The following BRAF variants were observed in gnomAD, a reference collection of about 807,000 sequenced individuals.
BRAF encodes serine/threonine-protein kinase B-raf.
Under a neutral mutation model 104.6 loss-of-function variants are expected in BRAF, and 16 were observed. The ratio of observed to expected loss-of-function variants is 0.15; its 90% CI spans 0.10 to 0.23. BRAF has a LOEUF of 0.23. Among genes scored for constraint, BRAF ranks in the 10% least tolerant of loss-of-function variants. The pLI is 1.00. For synonymous variants in BRAF, 310 were observed against 341.6 expected (o/e 0.91, Z 1.02); for missense variants, 541 against 937.3 (o/e 0.58, Z 5.52).
At chr7:140,916,996 T>C (rs913147626) in intron 1 of BRAF, among the ~76,000 whole-genome samples, 7 of 152,120 alleles carry the variant, frequency 4.6e-5, no homozygotes, top group African/African-American at 7.2e-5. Context: ...ACATAAGCAA[T>C]TGATTTCAAT....
intron 3 of BRAF, among the ~76,000 whole-genome samples, chr7:140,811,949 C>G (rs1370023382): frequency 6.6e-6 from 1 of 152,144 alleles, no homozygotes; most frequent in Non-Finnish European, 1.5e-5. Context: ...TCACTTTTCC[C>G]TGTGCCATTC....
At chr7:140,803,283 A>G (rs1163896592) in intron 5 of BRAF, among the ~76,000 whole-genome samples, 2 of 152,208 alleles carry the variant, frequency 1.3e-5, no homozygotes, top group East Asian at 3.8e-4. Flanking sequence ...TAAAACAGAA[A>G]CCATTAAAAA....
At position 140,750,194 on chromosome 7, in the gene BRAF, G is replaced by A. The variant is rs564272243; in HGVS notation, c.1981-776C>T. ...GTTATTCTTTCACCTTGCGTCTTCT[G>A]TATTGTTTCATTTGGAAGGAATCGA... On this transcript the variant is annotated intron_variant, in intron 16 of 19. Transcript: ENST00000644969. Among the ~76,000 whole-genome samples the A allele has an allele frequency of 3.9e-5, 6 of 152,234 alleles. No individual in the cohort carries two copies. The East Asian group carries it at 1.2e-3, about 29-fold the overall frequency.
intron 2 of BRAF, among the ~76,000 whole-genome samples, chr7:140,840,063 G>A (rs768639337): frequency 2.0e-5 from 3 of 152,182 alleles, no homozygotes; most frequent in Admixed American, 6.5e-5. Flanking sequence ...CCCACTTTCT[G>A]CTCCAACAGG....
Position 140,775,545 on chromosome 7 carries a change from G to T in BRAF, c.1814+1367C>A, listed in dbSNP as rs1800257977. Among the ~76,000 whole-genome samples, 5 of 151,774 alleles carry T rather than the reference G, an allele frequency of 3.3e-5. No individual in the cohort carries two copies. The South Asian group carries it at 1.0e-3, about 32-fold the overall frequency. ...GTAGAGACGGGGTTTCTCCATGTTG[G>T]TCAGGCTAGTCTTGAACTCCCGACC... On this transcript the variant is annotated intron_variant, in intron 14 of 19. Transcript: ENST00000644969.
At chr7:140,917,591 C>CCT (rs1198917655) in intron 1 of BRAF, among the ~76,000 whole-genome samples, 1 of 152,122 alleles carries the variant, frequency 6.6e-6, no homozygotes, top group Non-Finnish European at 1.5e-5. Flanking sequence ...TGAAACTCCA[C>CCT]CTCTCTCTCC....
At chr7:140,812,486 G>C (rs1804389089) in intron 3 of BRAF, among the ~76,000 whole-genome samples, 1 of 152,136 alleles carries the variant, frequency 6.6e-6, no homozygotes, top group Non-Finnish European at 1.5e-5. Context: ...AGGCACTCCA[G>C]TAATGCACTT....
At chr7:140,733,639 A>G (rs770827706) in intron 19 of BRAF, 2 of 152,262 alleles carry the variant, frequency 1.3e-5, no homozygotes, top group Non-Finnish European at 2.9e-5. Flanking sequence ...AGGACAGAAC[A>G]TGAGACACAA....
At chr7:140,750,118 C>T (rs1018857940) in intron 16 of BRAF, among the ~76,000 whole-genome samples, 8 of 152,148 alleles carry the variant, frequency 5.3e-5, no homozygotes, top group Non-Finnish European at 1.5e-5. Flanking sequence ...AATTAGGTTT[C>T]TTATTTACAT....
At chr7:140,810,987 G>A (rs564252095) in intron 3 of BRAF, among the ~76,000 whole-genome samples, 5 of 152,214 alleles carry the variant, frequency 3.3e-5, no homozygotes, top group Non-Finnish European at 7.3e-5. Flanking sequence ...TAGTGCTCAC[G>A]TGCTGTTTAG....
chr7:140,908,290 A>G (rs555232571), intron 1 of BRAF, among the ~76,000 whole-genome samples: 1 of 152,336 alleles, frequency 6.6e-6, no homozygotes, highest in African/African-American at 2.4e-5. Context: ...CATTGCTGAA[A>G]GAATTCTACA....
At chr7:140,870,372 A>G (rs1392522231) in intron 1 of BRAF, among the ~76,000 whole-genome samples, 4 of 152,206 alleles carry the variant, frequency 2.6e-5, no homozygotes, top group Non-Finnish European at 4.4e-5. Context: ...AAATAGAAAC[A>G]TTTCAAAAAT....
intron 3 of BRAF, among the ~76,000 whole-genome samples, chr7:140,828,671 C>T (rs1009166836): frequency 2.6e-4 from 40 of 152,270 alleles, no homozygotes; most frequent in African/African-American, 9.6e-4. Context: ...ACAACCATTT[C>T]TCTACTGATG....
intron 1 of BRAF, among the ~76,000 whole-genome samples, chr7:140,909,257 C>G (rs569317116): frequency 6.6e-6 from 1 of 152,092 alleles, no homozygotes; most frequent in Admixed American, 6.5e-5. Flanking sequence ...AAACCCCCGT[C>G]TCTAATAAAA....
intron 14 of BRAF, among the ~76,000 whole-genome samples, chr7:140,757,373 T>C (rs1292202676): frequency 1.3e-5 from 2 of 152,006 alleles, no homozygotes; most frequent in South Asian, 4.2e-4. Flanking sequence ...CACTGCAACC[T>C]CCACCTCCTA....
At chr7:140,754,574 T>A (rs903374768) in intron 14 of BRAF, among the ~76,000 whole-genome samples, 32 of 152,154 alleles carry the variant, frequency 2.1e-4, no homozygotes, top group African/African-American at 7.7e-4. Flanking sequence ...CTGTGTTCAA[T>A]GCTCCCCTCC....
chr7:140,858,943 C>T (rs1457756745), intron 1 of BRAF, among the ~76,000 whole-genome samples: 1 of 151,940 alleles, frequency 6.6e-6, no homozygotes, highest in Non-Finnish European at 1.5e-5. Context: ...ACCATCAGGG[C>T]TAATACCTAT....
rs769907969 is a variant in BRAF at position 140,719,369 on chromosome 7, C to T, written c.*7125G>A. On this transcript the variant is annotated 3_prime_UTR_variant, in exon 20 of 20. Coordinates refer to ENST00000644969, the MANE Select transcript of BRAF (RefSeq NM_001374258.1). Reference sequence around the variant, plus strand: ...AGTCAATCTTTATTATAGCAGTATTCGCATATTCACATCAAGTACATAGAA... The same window carrying T: ...AGTCAATCTTTATTATAGCAGTATTTGCATATTCACATCAAGTACATAGAA... 3.4e-5 allele frequency: 34 copies of T among 1,000,592 alleles called. No individual in the cohort carries two copies. The highest frequency in any genetic ancestry group is 1.9e-4 in the South Asian group (4 of 21,136). 62.0% of individuals were successfully genotyped at this position (1,000,592 alleles called of 1,614,324 possible). A position where few individuals can be genotyped will look rare whatever the true frequency, so the allele number is the denominator to read the frequency against.
At chr7:140,904,317 C>T (rs1427122628) in intron 1 of BRAF, among the ~76,000 whole-genome samples, 3 of 152,140 alleles carry the variant, frequency 2.0e-5, no homozygotes, top group Non-Finnish European at 4.4e-5. Flanking sequence ...ACAATTATGA[C>T]TCATTGAAAG....
Sources: gnomAD v4.1 joint callset for allele counts (sites outside exome capture counted in the v4.1 genomes callset) on GRCh38, gnomAD v4.1.1 for gene constraint, MANE v1.5 for transcripts, NCBI Gene and HGNC (gene_info 2026-07-23, HGNC 2026-07-21) for gene names.